CNTN1: variants seen among roughly 807,000 people sequenced by gnomAD.
The protein encoded by CNTN1 is contactin-1.
CNTN1 carries 38 observed loss-of-function variants against 126.4 expected under a neutral mutation model. The ratio of observed to expected loss-of-function variants is 0.30; its 90% CI spans 0.23 to 0.39. The LOEUF is 0.39. Ranked by LOEUF, CNTN1 falls within the 10% of genes least tolerant of loss-of-function variation. CNTN1 has a pLI of 1.00. For synonymous variants in CNTN1, 413 were observed against 422.6 expected, an observed-to-expected ratio of 0.98 and a Z score of 0.28; for missense variants, 1,009 against 1,248.4, an observed-to-expected ratio of 0.81 and a Z score of 2.89.
intron 1 of CNTN1, among the ~76,000 whole-genome samples, chr12:40,870,525 A>G (rs561348573): frequency 6.6e-6 from 1 of 152,152 alleles, no homozygotes; most frequent in Admixed American, 6.6e-5. Flanking sequence ...CAGACAGATA[A>G]TAGATTTTCA....
At chr12:40,817,920 T>C (rs980496146) in intron 1 of CNTN1, among the ~76,000 whole-genome samples, 7 of 152,186 alleles carry the variant, frequency 4.6e-5, no homozygotes, top group African/African-American at 1.7e-4. Context: ...TTCCTTTGCT[T>C]CTGAAGCTTA....
chr12:40,714,516 A>G (rs1339725508), intron 1 of CNTN1, among the ~76,000 whole-genome samples: 4 of 152,142 alleles, frequency 2.6e-5, no homozygotes, highest in African/African-American at 9.6e-5. Context: ...CTTCACAGAA[A>G]TAGAGGTTGA....
intron 1 of CNTN1, among the ~76,000 whole-genome samples, chr12:40,885,400 A>G (rs938573464): frequency 6.6e-6 from 1 of 151,906 alleles, no homozygotes; most frequent in Non-Finnish European, 1.5e-5. Context: ...ATGATTTTCA[A>G]TTGGTGGGAT....
chr12:41,012,171 C>G (rs1948675155), intron 17 of CNTN1, among the ~76,000 whole-genome samples: 1 of 151,822 alleles, frequency 6.6e-6, no homozygotes, highest in Non-Finnish European at 1.5e-5. Flanking sequence ...GTGACCTTGA[C>G]ATGCCATGTG....
intron 1 of CNTN1, among the ~76,000 whole-genome samples, chr12:40,725,176 T>C (rs969670339): frequency 1.3e-5 from 2 of 151,598 alleles, no homozygotes; most frequent in South Asian, 4.2e-4. Flanking sequence ...CCAAGGCCGG[T>C]GGATCACCTG....
At chr12:40,717,330 C>A (rs560968808) in intron 1 of CNTN1, among the ~76,000 whole-genome samples, 8 of 152,216 alleles carry the variant, frequency 5.3e-5, no homozygotes, top group African/African-American at 1.9e-4. Flanking sequence ...CATTCATTAA[C>A]CTAAAATTAT....
Position 41,020,426 on chromosome 12 carries a change from G to T in CNTN1, c.2509G>T (p.Val837Leu). 6.2e-7 allele frequency: 1 copy of T among 1,606,486 alleles called. No homozygotes were observed. Among genetic ancestry groups the T allele is most frequent in the Non-Finnish European group, 8.5e-7 (1 of 1,173,732 alleles). Reference protein sequence around the residue: ...VHWEHVLEKIVESYQIRYWAA... With the variant: ...VHWEHVLEKILESYQIRYWAA... ...TTGGGAACATGTTTTAGAAAAAATA[G>T]TGGAAAGCTATCAGGTACGTTAAAT... The change falls in exon 20 of 24, where the codon GTG (valine) becomes TTG (leucine). Residue 837 changes from valine to leucine, a missense_variant. Physicochemically the swap from Val to Leu is conservative, Grantham distance 32. Transcript: ENST00000551295.
rs183004996 is a variant in CNTN1 at position 40,940,819 on chromosome 12, G to A, written c.1379+1334G>A. ...TTTAACAAAATGATACTACAAGAAG[G>A]GTTAAAGGAAAAGTCCATTTGTTCA... On this transcript the variant is annotated intron_variant, in intron 12 of 23. Coordinates refer to ENST00000551295, the MANE Select transcript of CNTN1 (RefSeq NM_001843.4). Among the ~76,000 whole-genome samples, 91 of 152,148 alleles carry A rather than the reference G, an allele frequency of 6.0e-4. 2 individuals carry two copies. The East Asian group carries it at 0.015, about 26-fold the overall frequency.
chr12:40,892,961 G>GGC (rs1565895572), intron 1 of CNTN1, among the ~76,000 whole-genome samples: 2 of 144,182 alleles, frequency 1.4e-5, no homozygotes, highest in Non-Finnish European at 3.0e-5. Flanking sequence ...AAACTGGGGG[G>GGC]GGTGAATAAA....
chr12:40,779,737 G>A (rs1939720550), intron 1 of CNTN1, among the ~76,000 whole-genome samples: 1 of 151,886 alleles, frequency 6.6e-6, no homozygotes, highest in East Asian at 1.9e-4. Context: ...AATAAGAGCA[G>A]AAGTTAAATC....
chr12:41,063,645 A>C (rs1321964152), intron 23 of CNTN1, among the ~76,000 whole-genome samples: 4 of 152,224 alleles, frequency 2.6e-5, no homozygotes, highest in African/African-American at 7.2e-5. Context: ...CCTTGGCCAG[A>C]GTGATTGGTT....
chr12:40,842,184 A>C (rs1338642290), intron 1 of CNTN1, among the ~76,000 whole-genome samples: 2 of 152,088 alleles, frequency 1.3e-5, no homozygotes, highest in Non-Finnish European at 2.9e-5. Context: ...ATTTTACAAG[A>C]TGTTTGTTGC....
intron 23 of CNTN1, among the ~76,000 whole-genome samples, chr12:41,065,362 T>G (rs1166717731): frequency 1.3e-5 from 2 of 152,312 alleles, no homozygotes; most frequent in Non-Finnish European, 2.9e-5. Flanking sequence ...GCCTCATTGC[T>G]TGCTTTATTG....
At chr12:40,740,248 C>G (rs1000561142) in intron 1 of CNTN1, among the ~76,000 whole-genome samples, 1 of 152,006 alleles carries the variant, frequency 6.6e-6, no homozygotes, top group Non-Finnish European at 1.5e-5. Context: ...ATTTGGATGG[C>G]TATAGAAGTA....
At chr12:40,798,541 A>G (rs1173368837) in intron 1 of CNTN1, among the ~76,000 whole-genome samples, 1 of 151,916 alleles carries the variant, frequency 6.6e-6, no homozygotes, top group Non-Finnish European at 1.5e-5. Context: ...AAAAGTCTAT[A>G]TTCTACCACT....
At chr12:40,973,777 G>GT (rs908798048) in intron 15 of CNTN1, among the ~76,000 whole-genome samples, 3 of 152,122 alleles carry the variant, frequency 2.0e-5, no homozygotes, top group African/African-American at 7.2e-5. Flanking sequence ...GAGAGAGCAG[G>GT]TTAGGGCTAC....
intron 1 of CNTN1, among the ~76,000 whole-genome samples, chr12:40,703,507 C>T (rs759657557): frequency 2.0e-5 from 3 of 152,104 alleles, no homozygotes; most frequent in African/African-American, 4.8e-5. Flanking sequence ...CTTCATTTTC[C>T]GAAGTCATGA....
intron 15 of CNTN1, among the ~76,000 whole-genome samples, chr12:40,960,777 G>C (rs929781091): frequency 7.2e-5 from 11 of 152,098 alleles, no homozygotes; most frequent in East Asian, 3.8e-4. Flanking sequence ...AGAGGGATTA[G>C]AGGGATTAGT....
At chr12:40,802,120 T>A (rs1940680999) in intron 1 of CNTN1, among the ~76,000 whole-genome samples, 1 of 151,910 alleles carries the variant, frequency 6.6e-6, no homozygotes, top group African/African-American at 2.4e-5. Context: ...ATATTGAGAG[T>A]TCAGTTATCT....
Sources: gnomAD v4.1 joint callset for allele counts (sites outside exome capture counted in the v4.1 genomes callset) on GRCh38, gnomAD v4.1.1 for gene constraint, MANE v1.5 for transcripts, NCBI Gene and HGNC (gene_info 2026-07-23, HGNC 2026-07-21) for gene names.